The following CNTN4 variants were observed in gnomAD, a reference collection of about 807,000 sequenced individuals.
The protein encoded by CNTN4 is contactin 4, also known as contactin-4.
CNTN4 carries 77 observed loss-of-function variants against 122.5 expected under a neutral mutation model. The ratio of observed to expected loss-of-function variants is 0.63; its 90% CI spans 0.52 to 0.76. The LOEUF (loss-of-function observed/expected upper bound fraction) is 0.76, where lower values mean the gene tolerates loss of function less well. CNTN4 is among the 30% of genes least tolerant of loss of function. The pLI is 0.00. For missense variants in CNTN4, 1,256 were observed against 1,259.1 expected (o/e 1.00, Z 0.04); for synonymous variants, 512 against 447.0 (o/e 1.15, Z -1.83).
At chr3:3,003,907 G>A (rs1374002329) in intron 14 of CNTN4, among the ~76,000 whole-genome samples, 2 of 151,780 alleles carry the variant, frequency 1.3e-5, no homozygotes, top group African/African-American at 2.4e-5. Flanking sequence ...ACGCCAGCAC[G>A]CCACCAAGCC....
In CNTN4 at chr3:2,965,904, C is replaced by T. The variant is rs140770085; in HGVS notation, c.1359-22441C>T. Among the ~76,000 whole-genome samples, 42 of 152,294 alleles carry T rather than the reference C, an allele frequency of 2.8e-4. No homozygotes were observed. In the East Asian group the frequency reaches 6.9e-3, roughly 25 times the overall value. ...CCATGAAAAATTATCATTGATTCAT[C>T]CCCACCCAGGACCTCTACTATGTTT... On this transcript the variant is annotated intron_variant, in intron 13 of 24. Transcript: ENST00000418658.
rs556550391 is a variant in CNTN4, at chr3:2,169,461, C to T, written c.-145+68822C>T. Reference sequence around the variant, plus strand: ...TGGCTCTGTCACTCAGGCTGGAGTGCGGTGGCGCGATCTCGGCTCACTGCA... The same window carrying T: ...TGGCTCTGTCACTCAGGCTGGAGTGTGGTGGCGCGATCTCGGCTCACTGCA... On this transcript the variant is annotated intron_variant, in intron 2 of 24. Transcript: ENST00000418658. 1.5e-3 allele frequency among the ~76,000 whole-genome samples: 223 copies of T among 152,072 alleles called. 3 individuals carry two copies. Among genetic ancestry groups the T allele is most frequent in the East Asian group, 5.8e-4 (3 of 5,152 alleles).
chr3:2,184,362 C>T (rs906909628), intron 2 of CNTN4, among the ~76,000 whole-genome samples: 2 of 151,940 alleles, frequency 1.3e-5, no homozygotes, highest in African/African-American at 4.8e-5. Flanking sequence ...AATGACAGCC[C>T]AAAGAGACAG....
chr3:2,587,191 C>G (rs1165597021), intron 4 of CNTN4, among the ~76,000 whole-genome samples: 1 of 152,064 alleles, frequency 6.6e-6, no homozygotes, highest in Non-Finnish European at 1.5e-5. Context: ...CAAAGTCTTT[C>G]CTATAAAAAA....
intron 8 of CNTN4, among the ~76,000 whole-genome samples, chr3:2,878,768 G>T (rs146611134): frequency 6.6e-6 from 1 of 152,134 alleles, no homozygotes; most frequent in Non-Finnish European, 1.5e-5. Flanking sequence ...AAAGACAGAC[G>T]CATTATTTGG....
chr3:2,738,072 T>G (rs1025799290), intron 5 of CNTN4, among the ~76,000 whole-genome samples: 7 of 152,168 alleles, frequency 4.6e-5, no homozygotes, highest in Admixed American at 6.5e-5. Context: ...CAAGAAAGAC[T>G]GAGGCAGAAG....
intron 6 of CNTN4, among the ~76,000 whole-genome samples, chr3:2,761,670 C>G (rs2090598300): frequency 6.6e-6 from 1 of 152,060 alleles, no homozygotes; most frequent in African/African-American, 2.4e-5. Flanking sequence ...TTATATTTTA[C>G]TTGGTATTAA....
chr3:2,169,588 G>T (rs148449165), intron 2 of CNTN4, among the ~76,000 whole-genome samples: 1 of 151,646 alleles, frequency 6.6e-6, no homozygotes, highest in Non-Finnish European at 1.5e-5. Flanking sequence ...TTGTAGAGAC[G>T]GGGTTTCACC....
intron 2 of CNTN4, among the ~76,000 whole-genome samples, chr3:2,267,583 A>T (rs1031261183): frequency 6.6e-6 from 1 of 152,054 alleles, no homozygotes; most frequent in African/African-American, 2.4e-5. Context: ...AGAAAGTGAC[A>T]ATTTGAAAGC....
chr3:2,458,025 G>A (rs34069858), intron 3 of CNTN4, among the ~76,000 whole-genome samples: 60 of 152,170 alleles, frequency 3.9e-4, no homozygotes, highest in Non-Finnish European at 7.2e-4. Flanking sequence ...TCAGAGTAAT[G>A]TGTTCCGTCT....
chr3:2,812,221 C>T (rs1242123093), intron 6 of CNTN4, among the ~76,000 whole-genome samples: 1 of 152,112 alleles, frequency 6.6e-6, no homozygotes, highest in Non-Finnish European at 1.5e-5. Flanking sequence ...AACAAACCCC[C>T]ATGACACAAG....
intron 6 of CNTN4, among the ~76,000 whole-genome samples, chr3:2,810,187 C>A (rs1388347827): frequency 1.3e-5 from 2 of 152,088 alleles, no homozygotes; most frequent in East Asian, 1.9e-4. Flanking sequence ...ATTTTTCTTT[C>A]TATTAAATGA....
intron 12 of CNTN4, among the ~76,000 whole-genome samples, chr3:2,903,622 C>T (rs191976657): frequency 1.8e-4 from 27 of 152,270 alleles, no homozygotes; most frequent in South Asian, 6.2e-4. Flanking sequence ...CTTCTCAGTT[C>T]GCATCTTCCA....
At chr3:2,460,560 C>A (rs1266186047) in intron 3 of CNTN4, among the ~76,000 whole-genome samples, 1 of 152,090 alleles carries the variant, frequency 6.6e-6, no homozygotes, top group Non-Finnish European at 1.5e-5. Flanking sequence ...GTACATGACC[C>A]CTTTATCCTC....
intron 3 of CNTN4, among the ~76,000 whole-genome samples, chr3:2,443,115 C>T (rs1021210469): frequency 6.6e-6 from 1 of 150,590 alleles, no homozygotes; most frequent in African/African-American, 2.4e-5. Flanking sequence ...TGTAACAAAC[C>T]TTCACATGTA....
intron 2 of CNTN4, among the ~76,000 whole-genome samples, chr3:2,330,915 A>G (rs2043690870): frequency 6.6e-6 from 1 of 152,216 alleles, no homozygotes; most frequent in Non-Finnish European, 1.5e-5. Flanking sequence ...AAATCAAATT[A>G]TAAATGTCCA....
At chr3:2,297,904 T>C (rs2042373519) in intron 2 of CNTN4, among the ~76,000 whole-genome samples, 1 of 152,146 alleles carries the variant, frequency 6.6e-6, no homozygotes, top group Non-Finnish European at 1.5e-5. Context: ...CTAATTCTTA[T>C]AGGTTTTGCT....
chr3:2,659,399 T>C (rs1320859577), intron 4 of CNTN4, among the ~76,000 whole-genome samples: 1 of 145,776 alleles, frequency 6.9e-6, no homozygotes, highest in African/African-American at 2.6e-5. Context: ...GAGGTGGAGG[T>C]TGCGGTGAGC....
At chr3:2,732,470 A>G (rs1364337325) in intron 4 of CNTN4, among the ~76,000 whole-genome samples, 2 of 150,504 alleles carry the variant, frequency 1.3e-5, no homozygotes, top group Non-Finnish European at 3.0e-5. Context: ...AATCACAGCC[A>G]CTCTTCTGGT....
Sources: gnomAD v4.1 joint callset for allele counts (sites outside exome capture counted in the v4.1 genomes callset) on GRCh38, gnomAD v4.1.1 for gene constraint, MANE v1.5 for transcripts, NCBI Gene and HGNC (gene_info 2026-07-23, HGNC 2026-07-21) for gene names.